The following GRIN2A variants were observed in gnomAD, a reference collection of about 807,000 sequenced individuals.
GRIN2A encodes glutamate receptor ionotropic, NMDA 2A.
GRIN2A carries 22 observed loss-of-function variants against 113.4 expected under a neutral mutation model. The observed-to-expected ratio is 0.19, with a 90% CI of 0.14 to 0.28. The LOEUF is 0.28. Ranked by LOEUF, GRIN2A falls within the 10% of genes least tolerant of loss-of-function variation. The pLI is 1.00. For missense variants in GRIN2A, 1,502 were observed against 1,887.0 expected, an observed-to-expected ratio of 0.80 and a Z score of 3.78; for synonymous variants, 827 against 738.4, an observed-to-expected ratio of 1.12 and a Z score of -1.94.
chr16:9,833,431 TAA>T (rs991758851), intron 8 of GRIN2A, among the ~76,000 whole-genome samples: 1 of 152,096 alleles, frequency 6.6e-6, no homozygotes, highest in Non-Finnish European at 1.5e-5. Context: ...CTAGATTTTA[TAA>T]AGTCATTTTC....
chr16:9,955,733 T>A (rs2045291754), intron 2 of GRIN2A, among the ~76,000 whole-genome samples: 1 of 152,252 alleles, frequency 6.6e-6, no homozygotes, highest in African/African-American at 2.4e-5. Flanking sequence ...TTTTTGGTTT[T>A]GTTTTGGTTT....
chr16:9,842,951 A>AAGAGAGAG (rs57545330), intron 5 of GRIN2A, among the ~76,000 whole-genome samples: 1,766 of 145,210 alleles, frequency 0.012, 25 homozygotes, highest in African/African-American at 0.035. Flanking sequence ...GAAAGAAAGA[A>AAGAGAGAG]AGAGAGAGAG....
chr16:10,091,830 G>A (rs1259250155), intron 2 of GRIN2A, among the ~76,000 whole-genome samples: 3 of 152,156 alleles, frequency 2.0e-5, no homozygotes, highest in Admixed American at 1.3e-4. Flanking sequence ...AATCTATAGA[G>A]ACAGAAAGTG....
intron 12 of GRIN2A, among the ~76,000 whole-genome samples, chr16:9,766,963 C>T (rs573777319): frequency 2.2e-4 from 33 of 152,252 alleles, no homozygotes; most frequent in South Asian, 4.1e-4. Context: ...GATAAATCAA[C>T]TTGGCTTCCT....
chr16:10,143,232 C>G (rs1170649078), intron 2 of GRIN2A, among the ~76,000 whole-genome samples: 1 of 152,132 alleles, frequency 6.6e-6, no homozygotes, highest in African/African-American at 2.4e-5. Context: ...TCATACCTTT[C>G]AAAGAAGAAA....
rs116151738 is a variant in GRIN2A at position 9,770,149 on chromosome 16, T to C, written c.2357-1060A>G. Among the ~76,000 whole-genome samples the C allele has an allele frequency of 5.3e-3, 807 of 152,342 alleles. 12 individuals carry two copies. The highest frequency in any genetic ancestry group is 0.019 in the African/African-American group (773 of 41,562). On this transcript the variant is annotated intron_variant, in intron 11 of 12. Coordinates refer to ENST00000330684, the MANE Select transcript of GRIN2A (RefSeq NM_001134407.3). The stretch of plus-strand genomic sequence containing the variant: ...CTATATGTCTAGCAATTATACTGTC[T>C]AGCAATTCACTAAACTATGGCACTT...
chr16:9,804,064 C>T (rs1458192432), intron 10 of GRIN2A, among the ~76,000 whole-genome samples: 1 of 152,174 alleles, frequency 6.6e-6, no homozygotes, highest in African/African-American at 2.4e-5. Flanking sequence ...ATAGAAAACT[C>T]TTGCCCCTAA....
intron 10 of GRIN2A, among the ~76,000 whole-genome samples, chr16:9,819,761 C>T (rs1039594784): frequency 6.6e-6 from 1 of 151,732 alleles, no homozygotes; most frequent in South Asian, 2.1e-4. Context: ...CTCAGAAGTT[C>T]AAGATGTGCC....
At chr16:9,921,851 C>T (rs1385503670) in intron 3 of GRIN2A, among the ~76,000 whole-genome samples, 1 of 152,180 alleles carries the variant, frequency 6.6e-6, no homozygotes, top group Non-Finnish European at 1.5e-5. Flanking sequence ...TCTGTCATGC[C>T]TTTGCCATGA....
intron 2 of GRIN2A, 105 bp downstream of exon 2, chr16:10,179,893 C>CCCCTCACATCA: frequency 5.6e-6 from 4 of 719,818 alleles, no homozygotes; most frequent in Non-Finnish European, 7.1e-6. Context: ...CCCCCACCCC[C>CCCCTCACATCA]ACTTCACATC....
chr16:10,059,707 C>G (rs2047517003), intron 2 of GRIN2A, among the ~76,000 whole-genome samples: 1 of 132,118 alleles, frequency 7.6e-6, no homozygotes, highest in Non-Finnish European at 1.6e-5. Context: ...AATAAAATCA[C>G]ACCATCGTGA....
chr16:9,804,317 G>C (rs1318652178), intron 10 of GRIN2A, among the ~76,000 whole-genome samples: 1 of 152,130 alleles, frequency 6.6e-6, no homozygotes, highest in Admixed American at 6.5e-5. Flanking sequence ...CCTGGTATGG[G>C]CAGCACTGGC....
At chr16:10,030,362 T>C (rs1425336291) in intron 2 of GRIN2A, among the ~76,000 whole-genome samples, 1 of 152,178 alleles carries the variant, frequency 6.6e-6, no homozygotes, top group Non-Finnish European at 1.5e-5. Context: ...ATGAATAGCA[T>C]GTGCACAGGT....
At chr16:9,765,044 C>T in intron 12 of GRIN2A, 96 bp from the exon 13 acceptor site, 1 of 1,510,610 alleles carries the variant, frequency 6.6e-7, no homozygotes, top group South Asian at 1.1e-5. Context: ...GAGATTTGCA[C>T]TTCTTGCAGG....
chr16:9,821,158 A>G (rs1468285762), intron 10 of GRIN2A, among the ~76,000 whole-genome samples: 1 of 152,152 alleles, frequency 6.6e-6, no homozygotes, highest in Admixed American at 6.6e-5. Flanking sequence ...ATTAAGCCAC[A>G]AGGAGAATGC....
chr16:9,806,781 AAGAG>A (rs1202635062), intron 10 of GRIN2A, among the ~76,000 whole-genome samples: 1 of 151,926 alleles, frequency 6.6e-6, no homozygotes. Context: ...GGGGGAAAGA[AAGAG>A]AGAAAAAGAG....
Position 9,755,833 on chromosome 16 carries a change from A to C in GRIN2A, c.*7316T>G, listed in dbSNP as rs934395567. ...CCTAATGCTAAGTGAGCCGGGAATT[A>C]TCTCTAAGACAATTTGGAAAAGAAA... On this transcript the variant is annotated 3_prime_UTR_variant, in exon 13 of 13. Coordinates refer to ENST00000330684, the MANE Select transcript of GRIN2A (RefSeq NM_001134407.3). 9.4e-5 allele frequency: 19 copies of C among 202,142 alleles called. No homozygotes were observed. In the Admixed American group the frequency reaches 9.6e-4, roughly 10 times the overall value. 12.5% of individuals were successfully genotyped at this position (202,142 alleles called of 1,614,324 possible).
intron 2 of GRIN2A, among the ~76,000 whole-genome samples, chr16:10,152,903 T>A (rs954197755): frequency 3.3e-5 from 5 of 152,148 alleles, no homozygotes; most frequent in African/African-American, 1.2e-4. Context: ...ATGGAGACAG[T>A]GAAAAGATCA....
chr16:9,949,592 A>G (rs1766862710), intron 2 of GRIN2A, among the ~76,000 whole-genome samples: 2 of 152,006 alleles, frequency 1.3e-5, no homozygotes, highest in South Asian at 4.2e-4. Context: ...GGATAGACGG[A>G]CAGATGGATG....
Sources: allele counts gnomAD v4.1 joint callset (sites outside exome capture counted in the v4.1 genomes callset), GRCh38; gene constraint gnomAD v4.1.1; transcripts MANE v1.5; gene names NCBI Gene and HGNC (gene_info 2026-07-23, HGNC 2026-07-21).